Variants in MACROH2A2 observed in about 807,000 individuals in gnomAD.
MACROH2A2 encodes macroH2A.2 histone.
Under a neutral mutation model 37.6 loss-of-function variants are expected in MACROH2A2, and 6 were observed. The ratio of observed to expected loss-of-function variants is 0.16; its 90% CI spans 0.09 to 0.32. The LOEUF (loss-of-function observed/expected upper bound fraction) is 0.32. Among genes scored for constraint, MACROH2A2 ranks in the 10% least tolerant of loss-of-function variants. The pLI, the probability that MACROH2A2 is intolerant of heterozygous loss-of-function variation, is 1.00. For missense variants in MACROH2A2, 290 were observed against 485.9 expected (o/e 0.60, Z 3.79); for synonymous variants, 192 against 202.7 (o/e 0.95, Z 0.45).
At chr10:70,060,377 A>G (rs2072043800) in intron 1 of MACROH2A2, among the ~76,000 whole-genome samples, 1 of 151,946 alleles carries the variant, frequency 6.6e-6, no homozygotes, top group Non-Finnish European at 1.5e-5. Context: ...TAAAAAAAAA[A>G]GAAAGAAAAA....
chr10:70,085,257 T>C (rs1267532075), intron 2 of MACROH2A2, among the ~76,000 whole-genome samples: 1 of 152,154 alleles, frequency 6.6e-6, no homozygotes, highest in Non-Finnish European at 1.5e-5. Flanking sequence ...GGGACTGATT[T>C]TGCTTTACCT....
chr10:70,093,634 T>C, intron 4 of MACROH2A2, 101 bp from the exon 5 acceptor site: 1 of 659,370 alleles, frequency 1.5e-6, no homozygotes, highest in Non-Finnish European at 2.8e-6. Flanking sequence ...ACCACTTCCT[T>C]TCATATTCAA....
At chr10:70,096,016 C>T (rs1242059112) in intron 6 of MACROH2A2, among the ~76,000 whole-genome samples, 1 of 152,166 alleles carries the variant, frequency 6.6e-6, no homozygotes, top group Non-Finnish European at 1.5e-5. Context: ...AAGTGAACCC[C>T]ACTTTGCAAC....
intron 1 of MACROH2A2, among the ~76,000 whole-genome samples, chr10:70,062,976 A>G (rs931192573): frequency 3.3e-5 from 5 of 152,146 alleles, no homozygotes; most frequent in Non-Finnish European, 7.3e-5. Context: ...CATGTAACCA[A>G]ATACCACCAA....
intron 1 of MACROH2A2, among the ~76,000 whole-genome samples, chr10:70,054,717 A>C (rs1410457443): frequency 6.6e-6 from 1 of 152,216 alleles, no homozygotes; most frequent in Non-Finnish European, 1.5e-5. Context: ...CAAGATTTGG[A>C]AACATACTGG....
chr10:70,100,500 A>G (rs1010601858), intron 7 of MACROH2A2, among the ~76,000 whole-genome samples: 1 of 152,236 alleles, frequency 6.6e-6, no homozygotes, highest in Non-Finnish European at 1.5e-5. Context: ...ATGTTTGAAT[A>G]ATTCAAGTCA....
chr10:70,066,286 C>G (rs958793257), intron 1 of MACROH2A2, among the ~76,000 whole-genome samples: 12 of 152,128 alleles, frequency 7.9e-5, no homozygotes, highest in Admixed American at 6.5e-5. Context: ...CGTGATTATA[C>G]CACTGCACTC....
chr10:70,068,859 G>A (rs1445447412), intron 1 of MACROH2A2, among the ~76,000 whole-genome samples: 1 of 152,120 alleles, frequency 6.6e-6, no homozygotes, highest in Non-Finnish European at 1.5e-5. Context: ...CTTCATTTTG[G>A]TCTGTCAGGC....
intron 1 of MACROH2A2, among the ~76,000 whole-genome samples, chr10:70,059,448 C>T (rs181828564): frequency 1.3e-5 from 2 of 151,836 alleles, no homozygotes; most frequent in East Asian, 3.9e-4. Context: ...TCTTGGCTCA[C>T]TGCAACCTCT....
intron 7 of MACROH2A2, among the ~76,000 whole-genome samples, chr10:70,104,606 C>T (rs923129244): frequency 6.6e-6 from 1 of 152,084 alleles, no homozygotes; most frequent in Non-Finnish European, 1.5e-5. Context: ...ACCCAGAAGG[C>T]AGAGGTTGCA....
intron 7 of MACROH2A2, among the ~76,000 whole-genome samples, chr10:70,100,665 G>A (rs974163746): frequency 6.8e-6 from 1 of 147,736 alleles, no homozygotes. Flanking sequence ...CGCCCAGGCT[G>A]GAGTGTAGTG....
intron 2 of MACROH2A2, among the ~76,000 whole-genome samples, chr10:70,083,945 C>T (rs866060731): frequency 2.6e-5 from 4 of 151,564 alleles, no homozygotes; most frequent in South Asian, 2.1e-4. Flanking sequence ...TCTGCAGTAG[C>T]GTTTTGTATG....
intron 2 of MACROH2A2, among the ~76,000 whole-genome samples, chr10:70,084,580 A>G (rs539030188): frequency 1.2e-4 from 18 of 152,264 alleles, no homozygotes; most frequent in African/African-American, 4.3e-4. Context: ...AATATAAAAA[A>G]GTGTCTTGAG....
intron 5 of MACROH2A2, among the ~76,000 whole-genome samples, chr10:70,094,259 G>A (rs748928830): frequency 6.6e-6 from 1 of 152,162 alleles, no homozygotes; most frequent in Non-Finnish European, 1.5e-5. Flanking sequence ...AGAAATATAT[G>A]TTTCCCAAAT....
intron 2 of MACROH2A2, among the ~76,000 whole-genome samples, chr10:70,080,836 G>A (rs2072171434): frequency 8.4e-6 from 1 of 118,506 alleles, no homozygotes; most frequent in East Asian, 2.7e-4. Context: ...AGTGAGCCAA[G>A]ATCACACCAT....
At chr10:70,070,865 T>C (rs2072104935) in intron 1 of MACROH2A2, among the ~76,000 whole-genome samples, 1 of 152,208 alleles carries the variant, frequency 6.6e-6, no homozygotes, top group Non-Finnish European at 1.5e-5. Flanking sequence ...TTCCAATTTT[T>C]AGGGCAGTTT....
rs546706642 is a variant in MACROH2A2, at chr10:70,111,675, G to A, written c.1111G>A (p.Ala371Thr). The change falls in exon 9 of 9, where the codon GCC (alanine) becomes ACC (threonine). Residue 371 changes from alanine to threonine, a missense_variant. Transcript: ENST00000373255. The stretch of plus-strand genomic sequence containing the variant: ...CGTGCAGGAGATGGCCAAGCTCGAC[G>A]CCAAGTAGCCGCCGCACTTTCCAGC... ...IYVQEMAKLD[A>T]K 8.8e-5 allele frequency: 142 copies of A among 1,604,972 alleles called. 2 individuals carry two copies. In the South Asian group the frequency reaches 1.4e-3, roughly 16 times the overall value.
intron 8 of MACROH2A2, among the ~76,000 whole-genome samples, chr10:70,109,585 G>A (rs911682093): frequency 6.6e-6 from 1 of 152,166 alleles, no homozygotes; most frequent in Non-Finnish European, 1.5e-5. Flanking sequence ...ATCAGAAAAC[G>A]CCAGGCTCGA....
chr10:70,079,563 G>GCGCACACA (rs1180329462), intron 2 of MACROH2A2, among the ~76,000 whole-genome samples: 6 of 63,178 alleles, frequency 9.5e-5, no homozygotes, highest in African/African-American at 5.7e-5. Context: ...GCGCGCGCGC[G>GCGCACACA]CGCACACACA....
Sources: gnomAD v4.1 joint callset for allele counts (sites outside exome capture counted in the v4.1 genomes callset) on GRCh38, gnomAD v4.1.1 for gene constraint, MANE v1.5 for transcripts, NCBI Gene and HGNC (gene_info 2026-07-23, HGNC 2026-07-21) for gene names.